Variants in INSL6 observed in about 807,000 individuals in gnomAD.
INSL6 encodes the protein insulin-like peptide INSL6.
In INSL6, 16 loss-of-function variants were observed where a neutral mutation model predicts 9.4. The ratio of observed to expected loss-of-function variants is 1.70; its 90% confidence interval spans 1.15 to 2.59. The LOEUF (loss-of-function observed/expected upper bound fraction) is 2.59. Among genes scored for constraint, INSL6 ranks in the 30% most tolerant of loss-of-function variants. INSL6 has a pLI of 0.00. For synonymous variants in INSL6, 154 were observed against 96.9 expected, an observed-to-expected ratio of 1.59 and a Z score of -3.46; for missense variants, 391 against 257.3, an observed-to-expected ratio of 1.52 and a Z score of -3.56.
the INSL6 span, among the ~76,000 whole-genome samples, chr9:5,010,368 G>C: frequency 7.4e-6 from 1 of 134,990 alleles, no homozygotes. Flanking sequence ...CTGTCGCCCA[G>C]GCTGGAGTGC....
chr9:5,153,054 G>A (rs1052995324), intron 2 of INSL6, among the ~76,000 whole-genome samples: 5 of 152,072 alleles, frequency 3.3e-5, no homozygotes, highest in African/African-American at 1.2e-4. Flanking sequence ...CAGACCAGGA[G>A]ATTCCTTCCA....
the INSL6 span, chr9:5,068,982 G>A: frequency 8.5e-7 from 1 of 1,179,996 alleles, no homozygotes; most frequent in Non-Finnish European, 1.2e-6. Context: ...GATGTCCATT[G>A]TGACTATCCC....
chr9:5,151,299 C>T (rs1824708856), intron 2 of INSL6, among the ~76,000 whole-genome samples: 2 of 151,964 alleles, frequency 1.3e-5, no homozygotes, highest in Non-Finnish European at 2.9e-5. Context: ...ATGAAAAAGA[C>T]ACTGCAGGAA....
chr9:5,095,873 T>C, the INSL6 span, among the ~76,000 whole-genome samples: 1 of 152,206 alleles, frequency 6.6e-6, no homozygotes, highest in Non-Finnish European at 1.5e-5. Context: ...ACCACATTTC[T>C]AGCACTTAGC....
chr9:5,101,911 A>G, the INSL6 span, among the ~76,000 whole-genome samples: 1 of 152,224 alleles, frequency 6.6e-6, no homozygotes, highest in Non-Finnish European at 1.5e-5. Flanking sequence ...CCAGCACCAA[A>G]GACCAAAAGT....
chr9:5,047,859 C>T, the INSL6 span, among the ~76,000 whole-genome samples: 2 of 152,010 alleles, frequency 1.3e-5, no homozygotes, highest in African/African-American at 4.8e-5. Context: ...CCTCAGCCTC[C>T]CAAAGTGCTG....
chr9:5,093,920 A>G, the INSL6 span, among the ~76,000 whole-genome samples: 1 of 152,126 alleles, frequency 6.6e-6, no homozygotes, highest in African/African-American at 2.4e-5. Context: ...TTCTCCTAGT[A>G]TGAAAGGACA....
intron 2 of INSL6, among the ~76,000 whole-genome samples, chr9:5,148,061 G>A (rs1564041001): frequency 6.6e-6 from 1 of 152,166 alleles, no homozygotes; most frequent in African/African-American, 2.4e-5. Context: ...GACTGGTTAA[G>A]AACTCACTGC....
intron 2 of INSL6, among the ~76,000 whole-genome samples, chr9:5,149,772 G>T (rs533586750): frequency 6.6e-5 from 10 of 152,160 alleles, no homozygotes; most frequent in Admixed American, 5.9e-4. Context: ...AGCCCATGTG[G>T]CCAAAGCAAT....
chr9:5,151,883 G>C (rs1824720341), intron 2 of INSL6, among the ~76,000 whole-genome samples: 1 of 152,004 alleles, frequency 6.6e-6, no homozygotes, highest in Non-Finnish European at 1.5e-5. Context: ...ATGACACGTT[G>C]TTTACAAGAA....
the INSL6 span, chr9:5,044,540 C>A: frequency 7.4e-7 from 1 of 1,353,548 alleles, no homozygotes. Flanking sequence ...TATTATCTTA[C>A]TTGTACATGA....
chr9:5,176,858 T>C (rs1226105194), intron 1 of INSL6, among the ~76,000 whole-genome samples: 2 of 152,048 alleles, frequency 1.3e-5, no homozygotes, highest in Non-Finnish European at 2.9e-5. Flanking sequence ...GATCAACCTA[T>C]AAAAATAAGT....
At chr9:5,140,087 C>G (rs1325995531) in intron 2 of INSL6, among the ~76,000 whole-genome samples, 4 of 152,106 alleles carry the variant, frequency 2.6e-5, no homozygotes, top group Non-Finnish European at 5.9e-5. Context: ...TTTACAGAAG[C>G]AAATGACAGG....
intron 3 of INSL6, among the ~76,000 whole-genome samples, chr9:5,128,786 T>C (rs1824165005): frequency 6.6e-6 from 1 of 151,976 alleles, no homozygotes; most frequent in South Asian, 2.1e-4. Flanking sequence ...AAGATAACCC[T>C]GTAGTTATTA....
chr9:5,128,697 A>G (rs1824158971), intron 3 of INSL6, among the ~76,000 whole-genome samples: 1 of 151,944 alleles, frequency 6.6e-6, no homozygotes, highest in African/African-American at 2.4e-5. Context: ...CTTATTATAA[A>G]ATTCCAAGTT....
chr9:5,081,930 A>C, the INSL6 span: 2 of 1,292,638 alleles, frequency 1.5e-6, no homozygotes, highest in Non-Finnish European at 2.2e-6. Flanking sequence ...GAGCGTTTCT[A>C]AAGTTCACTT....
the INSL6 span, among the ~76,000 whole-genome samples, chr9:4,999,359 C>T: frequency 6.6e-6 from 1 of 151,978 alleles, no homozygotes; most frequent in Admixed American, 6.6e-5. Context: ...TTTTAATAGG[C>T]AGTAGTAGTA....
the INSL6 span, among the ~76,000 whole-genome samples, chr9:5,044,101 T>C: frequency 6.6e-6 from 1 of 152,262 alleles, no homozygotes; most frequent in Non-Finnish European, 1.5e-5. Flanking sequence ...CTGATGTTAC[T>C]GGATTAAGCT....
At chr9:5,000,996 A>T in the INSL6 span, among the ~76,000 whole-genome samples, 1 of 152,190 alleles carries the variant, frequency 6.6e-6, no homozygotes, top group Admixed American at 6.5e-5. Flanking sequence ...ATACAGAATA[A>T]AAAGACATGC....
Sources: gnomAD v4.1 joint callset for allele counts (sites outside exome capture counted in the v4.1 genomes callset) on GRCh38, gnomAD v4.1.1 for gene constraint, MANE v1.5 for transcripts, NCBI Gene and HGNC (gene_info 2026-07-23, HGNC 2026-07-21) for gene names.